Variants in TMEM132D observed in about 807,000 individuals in gnomAD.
TMEM132D encodes mature OL transmembrane protein.
TMEM132D carries 21 observed loss-of-function variants against 62.3 expected under a neutral mutation model. The ratio of observed to expected loss-of-function variants is 0.34; its 90% CI spans 0.24 to 0.49. The LOEUF is 0.49. Ranked by LOEUF, TMEM132D falls within the 20% of genes least tolerant of loss-of-function variation. TMEM132D has a pLI of 0.99. For synonymous variants in TMEM132D, 621 were observed against 575.6 expected, an observed-to-expected ratio of 1.08 and a Z score of -1.13; for missense variants, 1,346 against 1,402.8, an observed-to-expected ratio of 0.96 and a Z score of 0.65.
At chr12:129,429,727 C>A (rs909464109) in intron 3 of TMEM132D, among the ~76,000 whole-genome samples, 1 of 124,624 alleles carries the variant, frequency 8.0e-6, no homozygotes, top group Non-Finnish European at 1.7e-5. Flanking sequence ...AATGCTATCC[C>A]TCCCCCCTCC....
intron 4 of TMEM132D, among the ~76,000 whole-genome samples, chr12:129,265,571 C>A (rs988965360): frequency 2.0e-5 from 3 of 152,088 alleles, no homozygotes; most frequent in Admixed American, 2.0e-4. Flanking sequence ...TGGCTGCGCA[C>A]GGAGGGTCCT....
At chr12:129,705,797 A>T (rs1230797779) in intron 1 of TMEM132D, among the ~76,000 whole-genome samples, 2 of 152,176 alleles carry the variant, frequency 1.3e-5, no homozygotes, top group Non-Finnish European at 2.9e-5. Context: ...ACACATTGAA[A>T]ATAGTAATAA....
At chr12:129,220,412 C>G (rs1879317328) in intron 4 of TMEM132D, among the ~76,000 whole-genome samples, 1 of 152,148 alleles carries the variant, frequency 6.6e-6, no homozygotes, top group Admixed American at 6.5e-5. Flanking sequence ...GCCCATATAC[C>G]CTCACAGACA....
chr12:129,075,318 C>T (rs1201810346), intron 8 of TMEM132D, among the ~76,000 whole-genome samples: 3 of 143,594 alleles, frequency 2.1e-5, no homozygotes, highest in Admixed American at 7.0e-5. Flanking sequence ...AGAAGATTTG[C>T]TTTTTTTTTT....
intron 4 of TMEM132D, among the ~76,000 whole-genome samples, chr12:129,335,665 G>C (rs902186099): frequency 6.6e-6 from 1 of 152,196 alleles, no homozygotes; most frequent in Non-Finnish European, 1.5e-5. Context: ...TTGAGCCTCA[G>C]TTTCCTCAAG....
intron 6 of TMEM132D, among the ~76,000 whole-genome samples, chr12:129,083,054 T>C (rs1337501134): frequency 6.6e-6 from 1 of 152,174 alleles, no homozygotes; most frequent in Admixed American, 6.5e-5. Context: ...CCACATTAAC[T>C]TTGGGGATAA....
chr12:129,113,025 T>G (rs1435387169), intron 5 of TMEM132D: 1 of 152,210 alleles, frequency 6.6e-6, no homozygotes, highest in Non-Finnish European at 1.5e-5. Flanking sequence ...ATAGTTTTCT[T>G]TTTTCTTCTG....
chr12:129,701,654 T>C (rs1287359694), intron 1 of TMEM132D, among the ~76,000 whole-genome samples: 1 of 152,168 alleles, frequency 6.6e-6, no homozygotes, highest in Non-Finnish European at 1.5e-5. Flanking sequence ...TTACATTCTG[T>C]AAGAAAAATG....
At chr12:129,566,883 A>G (rs1270377541) in intron 2 of TMEM132D, among the ~76,000 whole-genome samples, 2 of 152,234 alleles carry the variant, frequency 1.3e-5, no homozygotes, top group East Asian at 3.8e-4. Context: ...TCTTTAAATA[A>G]TAACTCTTTC....
chr12:129,327,417 GTT>G (rs1419328906), intron 4 of TMEM132D, among the ~76,000 whole-genome samples: 1 of 152,182 alleles, frequency 6.6e-6, no homozygotes, highest in Non-Finnish European at 1.5e-5. Flanking sequence ...ACACATGGCT[GTT>G]TATGTTAATA....
chr12:129,427,867 A>G (rs1228082492), intron 3 of TMEM132D, among the ~76,000 whole-genome samples: 1 of 152,208 alleles, frequency 6.6e-6, no homozygotes, highest in Non-Finnish European at 1.5e-5. Flanking sequence ...TAATTGCTGT[A>G]TTAACAGATC....
chr12:129,516,395 A>G (rs756911877), intron 3 of TMEM132D, among the ~76,000 whole-genome samples: 10 of 152,176 alleles, frequency 6.6e-5, no homozygotes, highest in Non-Finnish European at 1.3e-4. Flanking sequence ...TAATTTACAA[A>G]GAAAAAGAGG....
intron 1 of TMEM132D, among the ~76,000 whole-genome samples, chr12:129,750,001 C>A (rs905359480): frequency 1.3e-5 from 2 of 152,180 alleles, no homozygotes; most frequent in Admixed American, 6.5e-5. Context: ...TGCATCCCAT[C>A]CCCATTCCCT....
intron 1 of TMEM132D, among the ~76,000 whole-genome samples, chr12:129,832,727 G>T (rs1408522765): frequency 2.0e-5 from 3 of 152,078 alleles, no homozygotes; most frequent in Non-Finnish European, 4.4e-5. Context: ...GTTCCATTCC[G>T]CCCGTCACTG....
chr12:129,763,610 G>T (rs1870454060), intron 1 of TMEM132D, among the ~76,000 whole-genome samples: 1 of 152,054 alleles, frequency 6.6e-6, no homozygotes, highest in East Asian at 1.9e-4. Context: ...TTGAAAGCAT[G>T]TTCTGTTAGT....
At chr12:129,344,862 T>C (rs1869630362) in intron 3 of TMEM132D, among the ~76,000 whole-genome samples, 1 of 152,070 alleles carries the variant, frequency 6.6e-6, no homozygotes. Flanking sequence ...AAAGCATTGA[T>C]GGCTCCGTCT....
chr12:129,147,725 C>T (rs750343206), intron 5 of TMEM132D, among the ~76,000 whole-genome samples: 6 of 152,170 alleles, frequency 3.9e-5, no homozygotes, highest in East Asian at 1.9e-4. Context: ...TCAGTCATTT[C>T]GTTACTCTTG....
intron 5 of TMEM132D, among the ~76,000 whole-genome samples, chr12:129,179,117 G>A (rs1484441165): frequency 2.6e-5 from 4 of 152,194 alleles, no homozygotes; most frequent in Non-Finnish European, 5.9e-5. Context: ...AGAGTTCAGA[G>A]TAGAACTGCC....
intron 2 of TMEM132D, among the ~76,000 whole-genome samples, chr12:129,641,837 C>T (rs1299190969): frequency 6.6e-6 from 1 of 152,152 alleles, no homozygotes; most frequent in South Asian, 2.1e-4. Flanking sequence ...TTCACAATGA[C>T]AAGTCCTGCA....
Sources: allele counts gnomAD v4.1 joint callset (sites outside exome capture counted in the v4.1 genomes callset), GRCh38; gene constraint gnomAD v4.1.1; transcripts MANE v1.5; gene names NCBI Gene and HGNC (gene_info 2026-07-23, HGNC 2026-07-21).